The following TBC1D19 variants were observed in gnomAD, a reference collection of about 807,000 sequenced individuals.
TBC1D19 encodes TBC1 domain family member 19, also known as TBC1 domain family, member 19.
TBC1D19 carries 60 observed loss-of-function variants against 89.0 expected under a neutral mutation model. The observed-to-expected ratio is 0.67, with a 90% CI of 0.55 to 0.84. The LOEUF is 0.84. Ranked by LOEUF, TBC1D19 falls within the 40% of genes least tolerant of loss-of-function variation. The pLI, the probability that TBC1D19 is intolerant of heterozygous loss-of-function variation, is 0.00. For missense variants in TBC1D19, 500 were observed against 610.8 expected (o/e 0.82, Z 1.91); for synonymous variants, 189 against 199.7 (o/e 0.95, Z 0.45).
At chr4:26,674,871 A>G (rs1712652037) in intron 11 of TBC1D19, among the ~76,000 whole-genome samples, 1 of 152,026 alleles carries the variant, frequency 6.6e-6, no homozygotes, top group African/African-American at 2.4e-5. Context: ...AAAGAAAATC[A>G]AATATTATTA....
the TBC1D19 span, among the ~76,000 whole-genome samples, chr4:26,808,742 A>AAAG: frequency 2.0e-5 from 3 of 150,408 alleles, no homozygotes; most frequent in South Asian, 4.2e-4. Context: ...AAAAAAAAAA[A>AAAG]AAAAGAAAAA....
At chr4:26,640,097 T>A (rs1270002725) in intron 6 of TBC1D19, 44 bp from the exon 7 acceptor site, 6 of 1,306,782 alleles carry the variant, frequency 4.6e-6, no homozygotes, top group Non-Finnish European at 6.6e-6. Flanking sequence ...TAAGCCTTCA[T>A]ATATTATTAG....
intron 4 of TBC1D19, among the ~76,000 whole-genome samples, chr4:26,636,199 T>C (rs183014187): frequency 3.3e-4 from 50 of 152,208 alleles, no homozygotes; most frequent in Admixed American, 1.6e-3. Flanking sequence ...GACTTTGGTA[T>C]TGTTTTATTT....
intron 1 of TBC1D19, among the ~76,000 whole-genome samples, chr4:26,591,033 A>G (rs904852411): frequency 6.8e-6 from 1 of 147,856 alleles, no homozygotes; most frequent in African/African-American, 2.4e-5. Context: ...TCAGTATTCT[A>G]AAAATCCCCT....
intron 11 of TBC1D19, among the ~76,000 whole-genome samples, chr4:26,680,135 T>C (rs894151084): frequency 3.3e-5 from 5 of 152,152 alleles, no homozygotes; most frequent in African/African-American, 9.7e-5. Context: ...CCACCATGAT[T>C]GTAAGTTTTC....
chr4:26,756,065 G>T lies in TBC1D19; in HGVS notation c.*1118G>T, dbSNP rs1001409869. On this transcript the variant is annotated 3_prime_UTR_variant, in exon 21 of 21. Transcript: ENST00000264866. ...CAGTAGATTGATACGCTTATTGATT[G>T]CCTAGAATTTTATTCAGTTTTACCC... 1.3e-5 allele frequency among the ~76,000 whole-genome samples: 2 copies of T among 152,112 alleles called. No individual in the cohort carries two copies. The highest frequency in any genetic ancestry group is 2.9e-5 in the Non-Finnish European group (2 of 67,998).
the TBC1D19 span, among the ~76,000 whole-genome samples, chr4:26,761,893 G>T: frequency 1.8e-4 from 27 of 152,284 alleles, no homozygotes; most frequent in East Asian, 5.0e-3. Context: ...TTGGGAGGCT[G>T]AGGTGGGCGG....
chr4:26,706,134 A>G (rs1715724049), intron 13 of TBC1D19, among the ~76,000 whole-genome samples: 1 of 152,178 alleles, frequency 6.6e-6, no homozygotes, highest in Non-Finnish European at 1.5e-5. Context: ...AATGTTTAGT[A>G]GAATTAACCA....
chr4:26,781,012 A>C, the TBC1D19 span, among the ~76,000 whole-genome samples: 1 of 152,214 alleles, frequency 6.6e-6, no homozygotes, highest in Non-Finnish European at 1.5e-5. Flanking sequence ...GTCTTGAACT[A>C]TGTGCCTTGG....
At chr4:26,669,344 T>A (rs1293544748) in intron 9 of TBC1D19, among the ~76,000 whole-genome samples, 2 of 151,828 alleles carry the variant, frequency 1.3e-5, no homozygotes, top group African/African-American at 4.8e-5. Context: ...CAGTGTATGT[T>A]ACTATCTTAT....
intron 7 of TBC1D19, among the ~76,000 whole-genome samples, chr4:26,655,527 G>A (rs1332292101): frequency 2.0e-5 from 3 of 152,190 alleles, no homozygotes; most frequent in Non-Finnish European, 4.4e-5. Flanking sequence ...CACCCAGTTC[G>A]AGCTTCCTGG....
At chr4:26,837,603 TTAGCTCTTTTCAC>T in the TBC1D19 span, among the ~76,000 whole-genome samples, 1 of 152,250 alleles carries the variant, frequency 6.6e-6, no homozygotes, top group Non-Finnish European at 1.5e-5. Flanking sequence ...TTCCAATCTC[TTAGCTCTTTTCAC>T]TAGTCATTGA....
chr4:26,583,128 T>C (rs1345217257), upstream of TBC1D19, among the ~76,000 whole-genome samples: 1 of 152,220 alleles, frequency 6.6e-6, no homozygotes, highest in East Asian at 1.9e-4. Context: ...GCTTAAAATA[T>C]GCATATACAC....
intron 7 of TBC1D19, among the ~76,000 whole-genome samples, chr4:26,648,989 C>A (rs1744144010): frequency 6.6e-6 from 1 of 151,814 alleles, no homozygotes; most frequent in African/African-American, 2.4e-5. Context: ...TTCTACATTT[C>A]TAATATTTTT....
chr4:26,808,761 A>C, the TBC1D19 span, among the ~76,000 whole-genome samples: 2 of 151,918 alleles, frequency 1.3e-5, no homozygotes, highest in African/African-American at 2.4e-5. Context: ...AAGAAAAAGA[A>C]ATTTGTAGCT....
At chr4:26,578,361 A>G (rs1218249313) in intron 1 of TBC1D19, among the ~76,000 whole-genome samples, 1 of 152,192 alleles carries the variant, frequency 6.6e-6, no homozygotes, top group Non-Finnish European at 1.5e-5. Flanking sequence ...TCCAACTGCA[A>G]TCTTCAATTT....
chr4:26,756,579 A>G (rs755291960), downstream of TBC1D19, among the ~76,000 whole-genome samples: 12 of 152,180 alleles, frequency 7.9e-5, no homozygotes, highest in Non-Finnish European at 1.5e-4. Context: ...GTAGGAACTT[A>G]TTGTATCTTC....
In TBC1D19 at chr4:26,706,242, G is replaced by C. The variant is rs532513081; in HGVS notation, c.955-11691G>C. Among the ~76,000 whole-genome samples the C allele has an allele frequency of 3.3e-5, 5 of 152,194 alleles. No individual in the cohort carries two copies. The East Asian group carries it at 9.6e-4, about 29-fold the overall frequency. ...GTCTGTTCAGATTTTCTATTTCTTT[G>C]TGATTTAGTCTTGGTTGACTTTGTG... On this transcript the variant is annotated intron_variant, in intron 13 of 20. Coordinates refer to ENST00000264866, the MANE Select transcript of TBC1D19 (RefSeq NM_018317.4).
intron 18 of TBC1D19, among the ~76,000 whole-genome samples, chr4:26,747,885 A>G (rs1718736231): frequency 6.6e-6 from 1 of 152,176 alleles, no homozygotes; most frequent in Admixed American, 6.5e-5. Context: ...TCAGAAATCT[A>G]TTTCTAATGT....
Sources: allele counts gnomAD v4.1 joint callset (sites outside exome capture counted in the v4.1 genomes callset), GRCh38; gene constraint gnomAD v4.1.1; transcripts MANE v1.5; gene names NCBI Gene and HGNC (gene_info 2026-07-23, HGNC 2026-07-21).